The following NFAT5 variants were observed in gnomAD, a reference collection of about 807,000 sequenced individuals.
NFAT5 encodes nuclear factor of activated T-cells 5.
In NFAT5, 31 loss-of-function variants were observed where a neutral mutation model predicts 166.5. The observed-to-expected ratio is 0.19, with a 90% CI of 0.14 to 0.25. NFAT5 has a LOEUF of 0.25. NFAT5 is among the 10% of genes least tolerant of loss of function. The pLI is 1.00. For missense variants in NFAT5, 1,449 were observed against 1,821.8 expected, an observed-to-expected ratio of 0.80 and a Z score of 3.72; for synonymous variants, 612 against 639.7, an observed-to-expected ratio of 0.96 and a Z score of 0.65.
At chr16:69,569,071 G>T (rs779550769) in intron 2 of NFAT5, among the ~76,000 whole-genome samples, 1 of 152,132 alleles carries the variant, frequency 6.6e-6, no homozygotes, top group Non-Finnish European at 1.5e-5. Context: ...GAAGAAAGGG[G>T]TTTAGAAAGT....
intron 3 of NFAT5, among the ~76,000 whole-genome samples, chr16:69,641,901 C>T (rs980891111): frequency 4.0e-5 from 6 of 151,888 alleles, no homozygotes; most frequent in African/African-American, 1.5e-4. Flanking sequence ...AGTTCAAAAC[C>T]AGCCTGGGCA....
intron 4 of NFAT5, among the ~76,000 whole-genome samples, chr16:69,651,518 AGTC>A (rs1415365108): frequency 1.3e-5 from 2 of 152,152 alleles, no homozygotes; most frequent in African/African-American, 4.8e-5. Flanking sequence ...CTGTGTTTGA[AGTC>A]GTAATATTCC....
intron 3 of NFAT5, among the ~76,000 whole-genome samples, chr16:69,635,282 A>G (rs892547411): frequency 5.3e-5 from 8 of 152,166 alleles, no homozygotes; most frequent in Non-Finnish European, 8.8e-5. Context: ...AAGTGCTGGT[A>G]TTACAGGCGT....
At chr16:69,629,028 C>T (rs2034591072) in intron 3 of NFAT5, among the ~76,000 whole-genome samples, 1 of 152,134 alleles carries the variant, frequency 6.6e-6, no homozygotes, top group East Asian at 1.9e-4. Context: ...GAACCAAGAT[C>T]GTGCCATTGC....
chr16:69,685,189 TA>T (rs59739462), intron 11 of NFAT5: 6,034 of 83,656 alleles, frequency 0.072, 213 homozygotes, highest in African/African-American at 0.22. Flanking sequence ...TATATATATA[TA>T]TTTTTTTTTT....
At chr16:69,608,559 A>G (rs1597392537) in intron 2 of NFAT5, among the ~76,000 whole-genome samples, 2 of 151,572 alleles carry the variant, frequency 1.3e-5, no homozygotes, top group South Asian at 2.1e-4. Context: ...GATCGAGTCC[A>G]TCCTGGCTAA....
At chr16:69,674,950 G>GT (rs2036773441) in intron 9 of NFAT5, among the ~76,000 whole-genome samples, 1 of 152,128 alleles carries the variant, frequency 6.6e-6, no homozygotes, top group Non-Finnish European at 1.5e-5. Context: ...CCCTTTGTAT[G>GT]TTTTGTATGT....
rs759542459 is a variant in NFAT5, at chr16:69,659,736, C to T, written c.1206C>T (p.Cys402=). ...PSNNMTLAVD[C]VGILKLRNAD... ...TTTTTTTCTGTATTAGGGTGGACTGCGTAGGGATATTGAAATTGAGGAATG... is the reference window on the plus strand; with the variant it reads ...TTTTTTTCTGTATTAGGGTGGACTGTGTAGGGATATTGAAATTGAGGAATG... Residue 402 remains cysteine, a synonymous_variant, in exon 7 of 15, where the codon TGC becomes TGT. Transcript: ENST00000349945. 4.9e-5 allele frequency: 79 copies of T among 1,612,510 alleles called. No individual in the cohort carries two copies. The highest frequency in any genetic ancestry group is 1.8e-4 in the East Asian group (8 of 44,846).
intron 11 of NFAT5, among the ~76,000 whole-genome samples, chr16:69,686,824 C>T (rs1386603501): frequency 2.0e-5 from 3 of 152,128 alleles, no homozygotes; most frequent in Admixed American, 2.0e-4. Context: ...GATCATGCCA[C>T]TGCACTTCAG....
rs2036031811 is a variant in NFAT5 at position 69,659,491 on chromosome 16, G to A, written c.1197-236G>A. Among the ~76,000 whole-genome samples the A allele has an allele frequency of 3.3e-5, 5 of 152,218 alleles. No homozygotes were observed. The South Asian group carries it at 8.3e-4, about 25-fold the overall frequency. On this transcript the variant is annotated intron_variant, in intron 6 of 14. Coordinates refer to ENST00000349945, the MANE Select transcript of NFAT5 (RefSeq NM_138713.4). ...TTATTTATGTTCAGATTTTAAAATA[G>A]TGATTTTATTTTTTTTACTTTTTAT...
rs2037877590 is a variant in NFAT5, at chr16:69,700,401, T to TATAA, written c.*4051_*4052insTAAA. 1 of 152,224 alleles carries TATAA rather than the reference T, an allele frequency of 6.6e-6. No individual in the cohort carries two copies. The highest frequency in any genetic ancestry group is 2.1e-4 in the South Asian group (1 of 4,826). 9.4% of individuals were successfully genotyped at this position (152,224 alleles called of 1,614,324 possible). The stretch of plus-strand genomic sequence containing the variant: ...ACTAAGATAATTCTTTTTGACCATT[T>TATAA]AAGCCTTTATAAATGCGTTTTGACC... On this transcript the variant is annotated 3_prime_UTR_variant, in exon 15 of 15. Transcript: ENST00000349945.
chr16:69,630,716 T>G (rs968867393), intron 3 of NFAT5, among the ~76,000 whole-genome samples: 2 of 152,350 alleles, frequency 1.3e-5, no homozygotes, highest in African/African-American at 4.8e-5. Context: ...AAGATTCTTT[T>G]GTTTATTTTT....
At chr16:69,662,060 T>C (rs1470312374) in intron 7 of NFAT5, among the ~76,000 whole-genome samples, 1 of 152,102 alleles carries the variant, frequency 6.6e-6, no homozygotes, top group East Asian at 1.9e-4. Flanking sequence ...CTGTCTCTAT[T>C]TTTTTAATTG....
chr16:69,691,768 C>T lies in NFAT5; in HGVS notation c.1943C>T (p.Ser648Leu), dbSNP rs768836791. The T allele has an allele frequency of 1.9e-6, 3 of 1,611,064 alleles. No homozygotes were observed. The highest frequency in any genetic ancestry group is 2.5e-6 in the Non-Finnish European group (3 of 1,178,798). ...TTTTAGACTACAAAGTCTGTTGGAT[C>T]AACTCAGCAAACATTAGAAAACATC... ...TIFKTTKSVG[S>L]TQQTLENISN... The change falls in exon 13 of 15, where the codon TCA becomes TTA. Residue 648 changes from serine (S) to leucine (L), a missense_variant. Around this residue, in one of 7 missense-constraint regions of NFAT5, gnomAD observed 245 missense variants for 366.6 expected, o/e 0.67. Coordinates refer to ENST00000349945, the MANE Select transcript of NFAT5 (RefSeq NM_138713.4).
At chr16:69,583,285 G>T (rs2031820680) in intron 2 of NFAT5, among the ~76,000 whole-genome samples, 1 of 151,632 alleles carries the variant, frequency 6.6e-6, no homozygotes, top group Non-Finnish European at 1.5e-5. Context: ...CTGTAGTCTT[G>T]AACTCCTGGG....
intron 2 of NFAT5, among the ~76,000 whole-genome samples, chr16:69,617,068 C>T (rs1229773177): frequency 2.0e-5 from 3 of 151,840 alleles, no homozygotes; most frequent in East Asian, 1.9e-4. Context: ...CTCAGCCTCC[C>T]GAGTAGCTGG....
chr16:69,681,857 G>A (rs1356936140), intron 10 of NFAT5, among the ~76,000 whole-genome samples: 1 of 151,132 alleles, frequency 6.6e-6, no homozygotes, highest in East Asian at 1.9e-4. Flanking sequence ...GGCAGAGCTT[G>A]CAGTAAGCTG....
At chr16:69,598,617 C>CA (rs1597377448) in intron 2 of NFAT5, among the ~76,000 whole-genome samples, 6 of 152,180 alleles carry the variant, frequency 3.9e-5, no homozygotes, top group Admixed American at 1.3e-4. Context: ...ACCTGCTATG[C>CA]AACAAGCACT....
At chr16:69,668,651 A>G (rs973280003) in intron 7 of NFAT5, among the ~76,000 whole-genome samples, 3 of 152,088 alleles carry the variant, frequency 2.0e-5, no homozygotes, top group African/African-American at 4.8e-5. Context: ...GTTGGGCATC[A>G]CCATCATTCC....
Sources: gnomAD v4.1 joint callset for allele counts (sites outside exome capture counted in the v4.1 genomes callset) on GRCh38, gnomAD v4.1.1 for gene constraint, gnomAD v4.1.1 regional missense constraint, MANE v1.5 for transcripts, NCBI Gene and HGNC (gene_info 2026-07-23, HGNC 2026-07-21) for gene names.